The following RAPGEF5 variants were observed in gnomAD, a reference collection of about 807,000 sequenced individuals.
RAPGEF5 encodes Rap guanine nucleotide exchange factor 5, also known as M-Ras-regulated GEF.
In RAPGEF5, 65 loss-of-function variants were observed where a neutral mutation model predicts 125.2. The observed-to-expected ratio is 0.52, with a 90% CI of 0.43 to 0.64. RAPGEF5 has a LOEUF of 0.64. RAPGEF5 is among the 30% of genes least tolerant of loss of function. The pLI is 0.00. For synonymous variants in RAPGEF5, 391 were observed against 385.9 expected (o/e 1.01, Z -0.16); for missense variants, 958 against 1,048.1 (o/e 0.91, Z 1.19).
At chr7:22,329,586 A>T (rs1783875312) in intron 1 of RAPGEF5, among the ~76,000 whole-genome samples, 1 of 152,248 alleles carries the variant, frequency 6.6e-6, no homozygotes. Context: ...AAAAATAAGT[A>T]AAAGTAAAGA....
intron 7 of RAPGEF5, among the ~76,000 whole-genome samples, chr7:22,234,437 C>T (rs1786135191): frequency 6.6e-6 from 1 of 152,130 alleles, no homozygotes; most frequent in Non-Finnish European, 1.5e-5. Context: ...CTTCTGGGAC[C>T]GAGGGAGGCT....
At chr7:22,296,749 AG>A (rs1199196812) in intron 5 of RAPGEF5, among the ~76,000 whole-genome samples, 6 of 152,212 alleles carry the variant, frequency 3.9e-5, no homozygotes, top group Admixed American at 3.9e-4. Context: ...CAGATGTCAA[AG>A]CACTGAAACA....
intron 4 of RAPGEF5, among the ~76,000 whole-genome samples, chr7:22,308,945 C>T (rs1253647133): frequency 2.6e-5 from 4 of 152,094 alleles, no homozygotes; most frequent in Non-Finnish European, 5.9e-5. Context: ...GACGTCTAGA[C>T]ATTTTTGGTT....
intron 16 of RAPGEF5, 53 bp from the exon 17 acceptor site, chr7:22,154,657 T>C (rs1392411103): frequency 4.5e-6 from 7 of 1,572,556 alleles, no homozygotes; most frequent in South Asian, 3.5e-5. Context: ...TCACGAGGTA[T>C]AGACTTTTCC....
chr7:22,254,066 G>A (rs1583520359), intron 7 of RAPGEF5, among the ~76,000 whole-genome samples: 1 of 152,120 alleles, frequency 6.6e-6, no homozygotes, highest in African/African-American at 2.4e-5. Context: ...AAAGCAATAT[G>A]AATATCTTGT....
At chr7:22,157,922 C>G in intron 14 of RAPGEF5, 37 bp from the exon 15 acceptor site, 4 of 1,578,256 alleles carry the variant, frequency 2.5e-6, no homozygotes, top group Non-Finnish European at 3.5e-6. Flanking sequence ...GTCTTTGTCT[C>G]AAACCCAGAA....
chr7:22,173,432 A>C (rs1784412016), intron 11 of RAPGEF5, among the ~76,000 whole-genome samples: 1 of 152,222 alleles, frequency 6.6e-6, no homozygotes. Context: ...TAACATAACC[A>C]AATCTTGAGA....
Position 22,167,047 on chromosome 7 carries a change from A to G in RAPGEF5, c.1283+23T>C, listed in dbSNP as rs547252470. 6 of 1,578,660 alleles carry G rather than the reference A, an allele frequency of 3.8e-6. No individual in the cohort carries two copies. In the East Asian group the frequency reaches 1.3e-4, roughly 35 times the overall value. On this transcript the variant is annotated intron_variant, in intron 12 of 25. Transcript: ENST00000665637. ...CTGTCTGAGAGGAAGTGGACACAGCAGCCTGAAGATAATGAAGGATATTGC... is the reference window on the plus strand; with the variant it reads ...CTGTCTGAGAGGAAGTGGACACAGCGGCCTGAAGATAATGAAGGATATTGC...
intron 11 of RAPGEF5, among the ~76,000 whole-genome samples, chr7:22,180,472 T>C (rs1784640245): frequency 6.6e-6 from 1 of 152,232 alleles, no homozygotes; most frequent in Non-Finnish European, 1.5e-5. Context: ...GTTATGCTAG[T>C]GTCCATCAGG....
intron 20 of RAPGEF5, 69 bp downstream of exon 20, chr7:22,144,975 A>T: frequency 6.7e-7 from 1 of 1,499,470 alleles, no homozygotes; most frequent in Non-Finnish European, 9.0e-7. Context: ...CATAAGAAAG[A>T]AAGAAAGAAG....
intron 2 of RAPGEF5, among the ~76,000 whole-genome samples, chr7:22,317,532 G>A (rs564070310): frequency 6.6e-6 from 1 of 152,070 alleles, no homozygotes; most frequent in East Asian, 1.9e-4. Context: ...GAGCCACCAT[G>A]CCCAGCCAAA....
chr7:22,318,510 A>G (rs1283048218), intron 1 of RAPGEF5, among the ~76,000 whole-genome samples: 1 of 152,180 alleles, frequency 6.6e-6, no homozygotes, highest in Non-Finnish European at 1.5e-5. Context: ...TTTGACTTAT[A>G]GAGGATCCCT....
chr7:22,354,256 A>G (rs1784381457), intron 1 of RAPGEF5, among the ~76,000 whole-genome samples: 1 of 152,196 alleles, frequency 6.6e-6, no homozygotes, highest in Non-Finnish European at 1.5e-5. Context: ...AATATAGGAG[A>G]TGAAAACTCA....
intron 9 of RAPGEF5, among the ~76,000 whole-genome samples, chr7:22,199,085 G>A (rs1166866659): frequency 1.3e-5 from 2 of 152,246 alleles, no homozygotes; most frequent in Non-Finnish European, 2.9e-5. Flanking sequence ...CTAGGCCAAA[G>A]TGAGAGTCAA....
chr7:22,309,036 G>C (rs931111554), intron 4 of RAPGEF5, among the ~76,000 whole-genome samples: 1 of 152,088 alleles, frequency 6.6e-6, no homozygotes, highest in African/African-American at 2.4e-5. Context: ...TACAATGTAC[G>C]GGACAGCCCG....
chr7:22,256,962 C>T (rs537620118), intron 7 of RAPGEF5, among the ~76,000 whole-genome samples: 2 of 152,306 alleles, frequency 1.3e-5, no homozygotes, highest in South Asian at 4.1e-4. Context: ...AAAATTACAA[C>T]AAATAGATTT....
chr7:22,139,809 G>A (rs1783200058), intron 21 of RAPGEF5: 1 of 461,922 alleles, frequency 2.2e-6, no homozygotes, highest in South Asian at 2.4e-5. Flanking sequence ...CAGGACAGAG[G>A]GGAAGACTAA....
intron 7 of RAPGEF5, among the ~76,000 whole-genome samples, chr7:22,256,547 C>A (rs1175446877): frequency 6.6e-6 from 1 of 151,948 alleles, no homozygotes. Context: ...TCCTTCTTTC[C>A]TTTTCAAACT....
intron 7 of RAPGEF5, among the ~76,000 whole-genome samples, chr7:22,245,987 A>C (rs1197996195): frequency 6.6e-6 from 1 of 151,994 alleles, no homozygotes; most frequent in Non-Finnish European, 1.5e-5. Flanking sequence ...CAACAGCCAC[A>C]CAAAAAACAA....
Sources: allele counts gnomAD v4.1 joint callset (sites outside exome capture counted in the v4.1 genomes callset), GRCh38; gene constraint gnomAD v4.1.1; transcripts MANE v1.5; gene names NCBI Gene and HGNC (gene_info 2026-07-23, HGNC 2026-07-21).